ROBO3: variants seen among roughly 807,000 people sequenced by gnomAD.
ROBO3 encodes the protein roundabout guidance receptor 3.
In ROBO3, 97 loss-of-function variants were observed where a neutral mutation model predicts 160.5. The observed-to-expected ratio is 0.60, with a 90% CI of 0.51 to 0.72. The LOEUF (loss-of-function observed/expected upper bound fraction) is 0.72, where lower values mean the gene tolerates loss of function less well. ROBO3 is among the 30% of genes least tolerant of loss of function. The probability of loss-of-function intolerance (pLI) is 0.00; values close to 1 mark genes in which losing one functional copy is unlikely to be tolerated. For synonymous variants in ROBO3, 780 were observed against 746.2 expected (o/e 1.05, Z -0.74); for missense variants, 1,858 against 1,846.5 (o/e 1.01, Z -0.11).
chr11:124,878,103 T>C lies in ROBO3; in HGVS notation c.3153T>C (p.Ala1051=), dbSNP rs761941816. Reference sequence around the variant, plus strand: ...ATCTGGGTCCCTGGAGCCAGTACGCTCCTCCAGAGTGGAGCCAGGGGGACA... The same window carrying C: ...ATCTGGGTCCCTGGAGCCAGTACGCCCCTCCAGAGTGGAGCCAGGGGGACA... ...SGDLGPWSQY[A]PPEWSQGDSG... The change falls in exon 21 of 28, where the codon GCT becomes GCC. Residue 1051 remains alanine, a synonymous_variant. Coordinates refer to ENST00000397801, the MANE Select transcript of ROBO3 (RefSeq NM_022370.4). The surrounding 1 kb of genome is among the most constrained non-coding windows in gnomAD (Gnocchi z 4.3). The C allele has an allele frequency of 6.2e-6, 10 of 1,609,546 alleles. No homozygotes were observed. The African/African-American group carries it at 1.2e-4, about 19-fold the overall frequency.
Position 124,877,541 on chromosome 11 carries a change from G to A in ROBO3, c.2869G>A (p.Ala957Thr), listed in dbSNP as rs572468051. The stretch of plus-strand genomic sequence containing the variant: ...CAGGCCACCCATGGGCCTTGGCCCC[G>A]CCCCCTACTCATGGCTGGCAGATTC... ...SSRPPMGLGP[A>T]PYSWLADSWP... is the part of the protein sequence containing the mutation. Residue 957 changes from alanine (A) to threonine (T), a missense_variant, in exon 20 of 28, where the codon GCC (alanine) becomes ACC (threonine). Ala to Thr is a moderately conservative substitution (Grantham distance 58, BLOSUM62 0). Transcript: ENST00000397801. 5.6e-6 allele frequency: 9 copies of A among 1,600,878 alleles called. No homozygotes were observed. In the South Asian group the frequency reaches 6.8e-5, roughly 12 times the overall value.
Position 124,868,878 on chromosome 11 carries a change from G to A in ROBO3, c.237G>A (p.Glu79=), listed in dbSNP as rs767397860. 25 of 1,606,950 alleles carry A rather than the reference G, an allele frequency of 1.6e-5. 1 individual carries two copies. Among genetic ancestry groups the A allele is most frequent in the Non-Finnish European group, 2.0e-5 (24 of 1,177,806 alleles). ...QPPDLLVSRG[E]PATLPCRAEG... The stretch of plus-strand genomic sequence containing the variant: ...CAGATCTGCTGGTCTCCCGAGGCGA[G>A]CCCGCCACGTTGCCCTGCCGCGCTG... The change falls in exon 2 of 28, where the codon GAG becomes GAA. Residue 79 remains glutamate, a synonymous_variant. Transcript: ENST00000397801.
At position 124,874,897 on chromosome 11, in the gene ROBO3, G is replaced by A. The variant is rs370172611; in HGVS notation, c.2061G>A (p.Gln687=). 1 of 1,604,442 alleles carries A rather than the reference G, an allele frequency of 6.2e-7. No individual in the cohort carries two copies. The highest frequency in any genetic ancestry group is 1.7e-5 in the Admixed American group (1 of 58,358). The change falls in exon 13 of 28, where the codon CAG becomes CAA. Residue 687 remains glutamine, a synonymous_variant. Coordinates refer to ENST00000397801, the MANE Select transcript of ROBO3 (RefSeq NM_022370.4). ...TAGTCCTGGGACCCCGGACCCTGCA[G>A]GTGTCCTGGACTGTGAGTGTGGTAT... ...EPIVLGPRTL[Q]VSWTVDGPVQ...
Position 124,865,845 on chromosome 11 carries a change from GGCGCCTCCCA to G in ROBO3, c.160+118_160+127del. 7.8e-7 allele frequency: 1 copy of G among 1,285,936 alleles called. No individual in the cohort carries two copies. The highest frequency in any genetic ancestry group is 1.0e-6 in the Non-Finnish European group (1 of 953,326). 79.7% of individuals were successfully genotyped at this position (1,285,936 alleles called of 1,614,324 possible). ...CCTGTCCCGAGGTCCGGGATTGAGT[GGCGCCTCCCA>G]GCGCCTCCCTGGGTCGTGGGGTCTA... is the stretch of plus-strand genomic sequence containing the variant. On this transcript the variant is annotated intron_variant, in intron 1 of 27. Coordinates refer to ENST00000397801, the MANE Select transcript of ROBO3 (RefSeq NM_022370.4). This position sits in a 1 kb window ranked among gnomAD's most constrained non-coding sequence, Gnocchi z 5.5.
Position 124,872,660 on chromosome 11 carries a change from T to C in ROBO3, c.1330+108T>C, listed in dbSNP as rs1946292607. On this transcript the variant is annotated intron_variant, in intron 8 of 27. Coordinates refer to ENST00000397801, the MANE Select transcript of ROBO3 (RefSeq NM_022370.4). The surrounding 1 kb of genome is among the most constrained non-coding windows in gnomAD (Gnocchi z 4.3). ...TATACTATGTCTGCAAGAGGAGAGATGTGTTCCTGAGGCATGACCTTGAAG... is the reference window on the plus strand; with the variant it reads ...TATACTATGTCTGCAAGAGGAGAGACGTGTTCCTGAGGCATGACCTTGAAG... 1 of 1,210,208 alleles carries C rather than the reference T, an allele frequency of 8.3e-7. No homozygotes were observed. The highest frequency in any genetic ancestry group is 1.1e-6 in the Non-Finnish European group (1 of 875,290). The allele number at this position is 1,210,208 out of a possible 1,614,324, so 75.0% of individuals were successfully genotyped here.
chr11:124,873,319 A>G lies in ROBO3; in HGVS notation c.1546A>G (p.Met516Val). ...CTGCCCTCTCTTCCAGGAGATGGAC[A>G]TGGGCTTCTACAGCTGCGTGGCCAA... is the stretch of plus-strand genomic sequence containing the variant. ...LYIANVQEMD[M>V]GFYSCVAKSS... Residue 516 changes from methionine to valine, a missense_variant, in exon 10 of 28, where the codon ATG (methionine) becomes GTG (valine). Coordinates refer to ENST00000397801, the MANE Select transcript of ROBO3 (RefSeq NM_022370.4). This position sits in a 1 kb window ranked among gnomAD's most constrained non-coding sequence, Gnocchi z 4.5. 6.2e-7 allele frequency: 1 copy of G among 1,609,978 alleles called. No homozygotes were observed. The highest frequency in any genetic ancestry group is 8.5e-7 in the Non-Finnish European group (1 of 1,178,294).
At position 124,879,172 on chromosome 11, in the gene ROBO3, G is replaced by T; in HGVS notation, c.3534-18G>T. The T allele has an allele frequency of 6.5e-7, 1 of 1,547,928 alleles. No individual in the cohort carries two copies. ...TTTTTGTGGAGGGAACAGAGGCTGC[G>T]GCCTCCTGTCATTGCAGGAGGGTGC... is the stretch of plus-strand genomic sequence containing the variant. On this transcript the variant is annotated intron_variant, in intron 23 of 27. Transcript: ENST00000397801.
chr11:124,872,226 T>C lies in ROBO3; in HGVS notation c.1159-155T>C, dbSNP rs1439280083. Among the ~76,000 whole-genome samples the C allele has an allele frequency of 6.6e-6, 1 of 152,240 alleles. No homozygotes were observed. Among genetic ancestry groups the C allele is most frequent in the African/African-American group, 2.4e-5 (1 of 41,472 alleles). ...ATTCCCTGATGTTTTTGTGAATACA[T>C]TTAACTACTTTGCCCAAGTTCACAT... On this transcript the variant is annotated intron_variant, in intron 7 of 27. Coordinates refer to ENST00000397801, the MANE Select transcript of ROBO3 (RefSeq NM_022370.4). This position sits in a 1 kb window ranked among gnomAD's most constrained non-coding sequence, Gnocchi z 4.3.
rs1434156194 is a variant in ROBO3 at position 124,875,115 on chromosome 11, A to T, written c.2078A>T (p.Asp693Val). ...GCCTTGTCCTGTCTCCCACAGGTGG[A>T]TGGCCCAGTCCAGCTGGTGCAAGGT... is the stretch of plus-strand genomic sequence containing the variant. ...PRTLQVSWTV[D>V]GPVQLVQGFR... is the part of the protein sequence containing the mutation. Residue 693 changes from aspartate to valine, a missense_variant, in exon 14 of 28, where the codon GAT (aspartate) becomes GTT (valine). Coordinates refer to ENST00000397801, the MANE Select transcript of ROBO3 (RefSeq NM_022370.4). 1 of 1,602,106 alleles carries T rather than the reference A, an allele frequency of 6.2e-7. No individual in the cohort carries two copies. Among genetic ancestry groups the T allele is most frequent in the Non-Finnish European group, 8.5e-7 (1 of 1,174,852 alleles).
chr11:124,878,648 A>G lies in ROBO3; in HGVS notation c.3385A>G (p.Ser1129Gly). The change falls in exon 23 of 28, where the codon AGT becomes GGT. Residue 1129 changes from serine (S) to glycine (G), a missense_variant. Ser to Gly is a moderately conservative substitution (Grantham distance 56). Transcript: ENST00000397801. The surrounding 1 kb of genome is among the most constrained non-coding windows in gnomAD (Gnocchi z 4.3). ...AAGTCACCTGACGGAGCCCAGCTCC[A>G]GTGGAGGGTGCCTGGTCACCCCATC... Reference protein sequence around the residue: ...ERSHLTEPSSSGGCLVTPSRR... With the variant: ...ERSHLTEPSSGGGCLVTPSRR... 1.2e-6 allele frequency: 2 copies of G among 1,613,512 alleles called. No individual in the cohort carries two copies. The highest frequency in any genetic ancestry group is 1.7e-6 in the Non-Finnish European group (2 of 1,179,686).
chr11:124,870,544 G>A, intron 5 of ROBO3, 57 bp from the exon 6 acceptor site: 1 of 1,610,568 alleles, frequency 6.2e-7, no homozygotes, highest in East Asian at 2.2e-5. Flanking sequence ...TGTCCTGGGG[G>A]AGAGAGAAAG....
chr11:124,876,741 A>C lies in ROBO3; in HGVS notation c.2779+281A>C. 3.2e-6 allele frequency: 1 copy of C among 316,814 alleles called. No individual in the cohort carries two copies. The highest frequency in any genetic ancestry group is 5.8e-6 in the Non-Finnish European group (1 of 171,360). The allele number at this position is 316,814 out of a possible 1,614,324, so 19.6% of individuals were successfully genotyped here. A position where few individuals can be genotyped will look rare whatever the true frequency, so the allele number is the denominator to read the frequency against. ...GCAACCATCTCCATAAAGAAGGGGC[A>C]AGTTCGAGGACGGAAAGCCCACTCA... On this transcript the variant is annotated intron_variant, in intron 17 of 27. Coordinates refer to ENST00000397801, the MANE Select transcript of ROBO3 (RefSeq NM_022370.4). This position sits in a 1 kb window ranked among gnomAD's most constrained non-coding sequence, Gnocchi z 5.3.
chr11:124,877,679 C>T, intron 20 of ROBO3, 21 bp downstream of exon 20: 1 of 1,608,112 alleles, frequency 6.2e-7, no homozygotes, highest in African/African-American at 1.3e-5. Flanking sequence ...CTCATTCCCT[C>T]ACCTGGCTTC....
rs774150144 is a variant in ROBO3, at chr11:124,876,146, T to C, written c.2593+21T>C. 3.8e-6 allele frequency: 6 copies of C among 1,581,166 alleles called. No individual in the cohort carries two copies. The highest frequency in any genetic ancestry group is 4.3e-6 in the Non-Finnish European group (5 of 1,167,290). ...GCTGCGTGAGTCCACCCGAGGGCAG[T>C]GCTGAGGATCTTGACGGGGGCGGGG... On this transcript the variant is annotated intron_variant, in intron 16 of 27. Coordinates refer to ENST00000397801, the MANE Select transcript of ROBO3 (RefSeq NM_022370.4). The surrounding 1 kb of genome is among the most constrained non-coding windows in gnomAD (Gnocchi z 5.3).
rs1420821274 is a variant in ROBO3 at position 124,869,637 on chromosome 11, A to T, written c.645+30A>T. 2 of 1,536,510 alleles carry T rather than the reference A, an allele frequency of 1.3e-6. No homozygotes were observed. Among genetic ancestry groups the T allele is most frequent in the Non-Finnish European group, 1.8e-6 (2 of 1,138,512 alleles). On this transcript the variant is annotated intron_variant, in intron 3 of 27. Transcript: ENST00000397801. This position sits in a 1 kb window ranked among gnomAD's most constrained non-coding sequence, Gnocchi z 4.2. ...GGGCGGGATTATGATTGGAGACCCC[A>T]ACAAGGGAGGGGACATAGGGTAGGG...
Position 124,873,576 on chromosome 11 carries a change from C to G in ROBO3, c.1619-121C>G. 9.6e-7 allele frequency: 1 copy of G among 1,046,640 alleles called. No homozygotes were observed. The highest frequency in any genetic ancestry group is 1.4e-6 in the Non-Finnish European group (1 of 721,036). 64.8% of individuals were successfully genotyped at this position (1,046,640 alleles called of 1,614,324 possible). On this transcript the variant is annotated intron_variant, in intron 10 of 27. Coordinates refer to ENST00000397801, the MANE Select transcript of ROBO3 (RefSeq NM_022370.4). This position sits in a 1 kb window ranked among gnomAD's most constrained non-coding sequence, Gnocchi z 4.5. ...GCAGATGTGAGTAGGGGTTCATATA[C>G]TATAGCCCACTCTGACCATCACCGC...
chr11:124,869,174 T>C lies in ROBO3; in HGVS notation c.487+46T>C. 6.7e-7 allele frequency: 1 copy of C among 1,491,072 alleles called. No individual in the cohort carries two copies. The highest frequency in any genetic ancestry group is 1.4e-5 in the African/African-American group (1 of 71,998). 92.4% of individuals were successfully genotyped at this position (1,491,072 alleles called of 1,614,324 possible). On this transcript the variant is annotated intron_variant, in intron 2 of 27. Transcript: ENST00000397801. The surrounding 1 kb of genome is among the most constrained non-coding windows in gnomAD (Gnocchi z 4.2). The stretch of plus-strand genomic sequence containing the variant: ...AGCTGGTTGCTTCCAGAGCCTGGGG[T>C]AGGCGGGAGGGCACTGGGCAATCAG...
rs890337538 is a variant in ROBO3 at position 124,879,228 on chromosome 11, C to A, written c.3572C>A (p.Ser1191Tyr). 6.4e-7 allele frequency: 1 copy of A among 1,555,842 alleles called. No individual in the cohort carries two copies. The highest frequency in any genetic ancestry group is 8.7e-7 in the Non-Finnish European group (1 of 1,149,446). Residue 1191 changes from serine (S) to tyrosine (Y), a missense_variant, in exon 24 of 28, where the codon TCC becomes TAC. Ser to Tyr is a moderately radical substitution (Grantham distance 144). Transcript: ENST00000397801. ...GGGCCGAGTTCCCCTCTCAGTGTAT[C>A]CCAGCCCATGCTGGGCATCCGTGAA... is the stretch of plus-strand genomic sequence containing the variant. ...PLGPSSPLSV[S>Y]QPMLGIREAR... is the part of the protein sequence containing the mutation.
rs368293637 is a variant in ROBO3, at chr11:124,875,235, G to A, written c.2198G>A (p.Gly733Glu). 5.3e-5 allele frequency: 86 copies of A among 1,613,918 alleles called. No individual in the cohort carries two copies. The African/African-American group carries it at 9.9e-4, about 19-fold the overall frequency. Residue 733 changes from glycine (G) to glutamate (E), a missense_variant, in exon 14 of 28, where the codon GGA becomes GAA. By Grantham distance (98) the Gly-to-Glu change is moderately conservative. Coordinates refer to ENST00000397801, the MANE Select transcript of ROBO3 (RefSeq NM_022370.4). ...AGCCAGCAAAGTACTGTGCTAAGAG[G>A]ACTCCCTCCAGGGACCCAAATCCAG... is the stretch of plus-strand genomic sequence containing the variant. ...SPSQQSTVLR[G>E]LPPGTQIQIK... is the part of the protein sequence containing the mutation.
Sources: gnomAD v4.1 joint callset for allele counts (sites outside exome capture counted in the v4.1 genomes callset) on GRCh38, gnomAD v4.1.1 for gene constraint, Gnocchi (gnomAD v3.1) non-coding constraint, MANE v1.5 for transcripts, NCBI Gene and HGNC (gene_info 2026-07-23, HGNC 2026-07-21) for gene names.